Variants in PCSK6 observed in about 807,000 individuals in gnomAD.
The protein encoded by PCSK6 is proprotein convertase subtilisin/kexin type 6.
A neutral mutation model predicts 123.3 loss-of-function variants in PCSK6; 85 were observed. The ratio of observed to expected loss-of-function variants is 0.69; its 90% CI spans 0.58 to 0.83. The LOEUF (loss-of-function observed/expected upper bound fraction) is 0.83. Ranked by LOEUF, PCSK6 falls within the 40% of genes least tolerant of loss-of-function variation. The pLI, the probability that PCSK6 is intolerant of heterozygous loss-of-function variation, is 0.00. For missense variants in PCSK6, 1,191 were observed against 1,282.3 expected (o/e 0.93, Z 1.09); for synonymous variants, 508 against 516.0 (o/e 0.98, Z 0.21).
chr15:101,362,217 A>G (rs544518916), intron 13 of PCSK6, among the ~76,000 whole-genome samples: 38 of 152,246 alleles, frequency 2.5e-4, no homozygotes, highest in African/African-American at 7.5e-4. Flanking sequence ...CGGCCTCCCA[A>G]AGTGCTGGAA....
Position 101,430,627 on chromosome 15 carries a change from T to C in PCSK6, c.658-564A>G, listed in dbSNP as rs535920030. Among the ~76,000 whole-genome samples, 8 of 152,380 alleles carry C rather than the reference T, an allele frequency of 5.3e-5. No individual in the cohort carries two copies. In the East Asian group the frequency reaches 1.2e-3, roughly 22 times the overall value. On this transcript the variant is annotated intron_variant, in intron 4 of 21. Coordinates refer to ENST00000611716, the MANE Select transcript of PCSK6 (RefSeq NM_002570.5). ...AATTTTACATTCTCCTTTTAAAATA[T>C]ATGATAAAAGGTTTCCAGTGTTGTT...
At chr15:101,363,576 G>A (rs1257072659) in intron 13 of PCSK6, among the ~76,000 whole-genome samples, 1 of 152,084 alleles carries the variant, frequency 6.6e-6, no homozygotes, top group Admixed American at 6.5e-5. Flanking sequence ...ATTAAAATGT[G>A]TAAATTTCAG....
chr15:101,379,285 G>C (rs563228419), intron 11 of PCSK6, among the ~76,000 whole-genome samples: 1 of 152,304 alleles, frequency 6.6e-6, no homozygotes, highest in East Asian at 1.9e-4. Flanking sequence ...CCCGTGACCA[G>C]AGGGGTGGAC....
intron 15 of PCSK6, among the ~76,000 whole-genome samples, chr15:101,329,682 G>A (rs1460793454): frequency 6.6e-6 from 1 of 152,250 alleles, no homozygotes. Context: ...ATGCCACGTG[G>A]GTTCTTGGCT....
chr15:101,344,810 C>T (rs933111394), intron 13 of PCSK6, among the ~76,000 whole-genome samples: 9 of 152,106 alleles, frequency 5.9e-5, no homozygotes, highest in African/African-American at 1.7e-4. Flanking sequence ...CACACACCAC[C>T]ACATGCGGCT....
In PCSK6 at chr15:101,313,456, G is replaced by A. The variant is rs376028590; in HGVS notation, c.2619C>T (p.His873=). 82 of 1,611,200 alleles carry A rather than the reference G, an allele frequency of 5.1e-5. No homozygotes were observed. Among genetic ancestry groups the A allele is most frequent in the African/African-American group, 4.0e-4 (30 of 74,942 alleles). ...CIHCAKNFHF[H]DWKCVPACGE... ...CACAGGCTGGCACACACTTCCAGTCGTGGAAGTGGAAGTTTTTCGCACAGT... is the reference window on the plus strand; with the variant it reads ...CACAGGCTGGCACACACTTCCAGTCATGGAAGTGGAAGTTTTTCGCACAGT... Residue 873 remains histidine (H), a synonymous_variant, in exon 20 of 22, where the codon CAC becomes CAT. Transcript: ENST00000611716.
chr15:101,378,974 C>A (rs757203083), intron 11 of PCSK6, among the ~76,000 whole-genome samples: 3 of 152,230 alleles, frequency 2.0e-5, no homozygotes, highest in Non-Finnish European at 4.4e-5. Flanking sequence ...GGCCTTTCCG[C>A]GCCTTTGGGC....
intron 13 of PCSK6, among the ~76,000 whole-genome samples, chr15:101,349,361 G>T (rs2040833057): frequency 6.6e-6 from 1 of 152,202 alleles, no homozygotes; most frequent in Admixed American, 6.5e-5. Context: ...AAAGTCAGAA[G>T]AGTTTTCCCT....
intron 13 of PCSK6, among the ~76,000 whole-genome samples, chr15:101,334,743 C>G (rs1223994195): frequency 6.6e-6 from 1 of 152,138 alleles, no homozygotes; most frequent in Non-Finnish European, 1.5e-5. Flanking sequence ...GTCACCAAAA[C>G]TGGATTTTTA....
intron 13 of PCSK6, 121 bp downstream of exon 13, chr15:101,366,075 G>A: frequency 3.7e-6 from 4 of 1,069,534 alleles, no homozygotes; most frequent in Non-Finnish European, 5.2e-6. Context: ...TCTGTTATGG[G>A]AATTCTACCT....
At chr15:101,480,922 G>A (rs1048001224) in intron 1 of PCSK6, among the ~76,000 whole-genome samples, 1 of 152,198 alleles carries the variant, frequency 6.6e-6, no homozygotes, top group Admixed American at 6.5e-5. Flanking sequence ...TAAACAAAGC[G>A]CAGGTGCCTG....
At chr15:101,445,453 A>T (rs1249890804) in intron 1 of PCSK6, among the ~76,000 whole-genome samples, 1 of 152,148 alleles carries the variant, frequency 6.6e-6, no homozygotes, top group African/African-American at 2.4e-5. Flanking sequence ...GTTTTCCGCA[A>T]TTCTGATTCT....
intron 12 of PCSK6, among the ~76,000 whole-genome samples, chr15:101,368,733 A>G (rs577053800): frequency 6.6e-6 from 1 of 152,300 alleles, no homozygotes; most frequent in African/African-American, 2.4e-5. Flanking sequence ...CCAGCACGGA[A>G]AACATGGAGC....
chr15:101,475,468 TAAAG>T (rs1008631485), intron 1 of PCSK6, among the ~76,000 whole-genome samples: 5 of 152,092 alleles, frequency 3.3e-5, no homozygotes, highest in East Asian at 1.9e-4. Context: ...GCCTAATAAA[TAAAG>T]AGACACTTAA....
intron 6 of PCSK6, among the ~76,000 whole-genome samples, chr15:101,404,032 T>C (rs941898197): frequency 2.0e-5 from 3 of 152,252 alleles, no homozygotes; most frequent in Admixed American, 6.5e-5. Context: ...GCTTAAGTGA[T>C]ACATTGTTTA....
chr15:101,439,464 C>T (rs934650479), intron 2 of PCSK6, among the ~76,000 whole-genome samples: 10 of 152,222 alleles, frequency 6.6e-5, no homozygotes, highest in Admixed American at 1.3e-4. Flanking sequence ...CACTGTCATT[C>T]GATCACCCTC....
rs2042166331 is a variant in PCSK6, at chr15:101,389,573, G to A, written c.1210-9C>T. 1 of 1,605,894 alleles carries A rather than the reference G, an allele frequency of 6.2e-7. No homozygotes were observed. The highest frequency in any genetic ancestry group is 1.1e-5 in the South Asian group (1 of 90,594). ...CGCAGATCCGTGGTGACCTGGGGGA[G>A]AGAGAAGCACAGTGAGGCAGTGATG... On this transcript the variant is annotated splice_polypyrimidine_tract_variant and intron_variant, in intron 8 of 21. Coordinates refer to ENST00000611716, the MANE Select transcript of PCSK6 (RefSeq NM_002570.5).
At chr15:101,363,811 TG>T (rs1038162928) in intron 13 of PCSK6, among the ~76,000 whole-genome samples, 11 of 151,256 alleles carry the variant, frequency 7.3e-5, no homozygotes, top group Admixed American at 2.0e-4. Flanking sequence ...TTTTTTTTTT[TG>T]GATTTTTAGT....
chr15:101,460,663 C>T (rs1414711426), intron 1 of PCSK6, among the ~76,000 whole-genome samples: 1 of 152,176 alleles, frequency 6.6e-6, no homozygotes, highest in African/African-American at 2.4e-5. Context: ...AGCACACCCC[C>T]CAAATGTCTA....
Sources: allele counts gnomAD v4.1 joint callset (sites outside exome capture counted in the v4.1 genomes callset), GRCh38; gene constraint gnomAD v4.1.1; transcripts MANE v1.5; gene names NCBI Gene and HGNC (gene_info 2026-07-23, HGNC 2026-07-21).